Variants in IL18BP observed in about 807,000 individuals in gnomAD.
IL18BP encodes the protein interleukin 18 binding protein, also known as interleukin-18-binding protein.
IL18BP carries 23 observed loss-of-function variants against 19.9 expected under a neutral mutation model. That is an observed-to-expected ratio of 1.15 (90% CI 0.83 to 1.64). The LOEUF (loss-of-function observed/expected upper bound fraction) is 1.64, where lower values mean the gene tolerates loss of function less well. Ranked by LOEUF, IL18BP falls within the 40% of genes most tolerant of loss-of-function variation. The pLI, the probability that IL18BP is intolerant of heterozygous loss-of-function variation, is 0.00. For missense variants in IL18BP, 239 were observed against 240.7 expected (o/e 0.99, Z 0.05); for synonymous variants, 107 against 101.0 (o/e 1.06, Z -0.35).
intron 1 of IL18BP, 190 bp from the exon 2 acceptor site, chr11:71,999,737 T>C: frequency 1.8e-6 from 1 of 542,828 alleles, no homozygotes; most frequent in South Asian, 2.1e-5. Flanking sequence ...TAGGTAAGCA[T>C]CTTACAACCA....
At chr11:72,005,877 A>G (rs1219792812), downstream of IL18BP, among the ~76,000 whole-genome samples, 1 of 152,196 alleles carries the variant, frequency 6.6e-6, no homozygotes, top group African/African-American at 2.4e-5. Flanking sequence ...TGGGCAGGTA[A>G]GGAAGGCCCT....
downstream of IL18BP, chr11:72,008,019 TG>T: frequency 2.3e-6 from 1 of 444,118 alleles, no homozygotes. Flanking sequence ...GCTCTACCAC[TG>T]GGGAACCTTG....
chr11:72,005,277 C>T, downstream of IL18BP: 1 of 1,609,192 alleles, frequency 6.2e-7, no homozygotes. Flanking sequence ...GGGGGGCACA[C>T]TCGATTGCGC....
At chr11:72,005,504 G>A (rs74748609), downstream of IL18BP, 5,064 of 771,378 alleles carry the variant, frequency 6.6e-3, 188 homozygotes, top group African/African-American at 0.078. Context: ...ATTCAGTGCC[G>A]CAGGTGCAGG....
At chr11:72,007,289 C>T (rs1483414781), downstream of IL18BP, 1 of 1,613,242 alleles carries the variant, frequency 6.2e-7, no homozygotes, top group African/African-American at 1.3e-5. Flanking sequence ...GTCCAGGCTG[C>T]TCTCCAGGGG....
rs1955134540 is a variant in IL18BP, at chr11:72,000,133, T to C, written c.28+121T>C. ...AACCACCCAGCGCACCTGGTGCTGT[T>C]GCTTTAAGAACCTGGGCAGATATTG... is the stretch of plus-strand genomic sequence containing the variant. On this transcript the variant is annotated intron_variant, in intron 2 of 5. Coordinates refer to ENST00000393703, the MANE Select transcript of IL18BP (RefSeq NM_001039660.2). The C allele has an allele frequency of 2.7e-6, 3 of 1,098,114 alleles. No homozygotes were observed. In the South Asian group the frequency reaches 4.1e-5, roughly 15 times the overall value. The allele number at this position is 1,098,114 out of a possible 1,614,324, so 68.0% of individuals were successfully genotyped here. A position where few individuals can be genotyped will look rare whatever the true frequency, so the allele number is the denominator to read the frequency against.
At chr11:72,005,275 C>A, downstream of IL18BP, 2 of 1,606,234 alleles carry the variant, frequency 1.2e-6, no homozygotes, top group Non-Finnish European at 1.7e-6. Context: ...GTGGGGGGCA[C>A]ACTCGATTGC....
At chr11:72,000,164 C>T in intron 2 of IL18BP, 152 bp downstream of exon 2, 1 of 942,360 alleles carries the variant, frequency 1.1e-6, no homozygotes, top group Non-Finnish European at 1.6e-6. Flanking sequence ...TATTGTAGCT[C>T]TGGCTCCAGT....
Position 72,001,822 on chromosome 11 carries a change from C to G in IL18BP, c.546C>G (p.Ala182=), listed in dbSNP as rs1955267211. ...CAACCTTGCCCCCCACCCAAGAAGC[C>G]CTGCCCTCCAGCCACAGCAGTCCAC... is the stretch of plus-strand genomic sequence containing the variant. The part of the protein sequence containing the change: ...LRATLPPTQE[A]LPSSHSSPQQ... The change falls in exon 6 of 6, where the codon GCC becomes GCG. Residue 182 remains alanine, a synonymous_variant. Transcript: ENST00000393703. The G allele has an allele frequency of 6.2e-7, 1 of 1,614,012 alleles. No individual in the cohort carries two copies. Among genetic ancestry groups the G allele is most frequent in the Non-Finnish European group, 8.5e-7 (1 of 1,179,968 alleles).
chr11:72,001,162 C>A (rs748428176), intron 3 of IL18BP, 39 bp from the exon 4 acceptor site: 4 of 1,612,830 alleles, frequency 2.5e-6, no homozygotes, highest in Non-Finnish European at 3.4e-6. Flanking sequence ...GGGGAAGGGC[C>A]TGCTCTTCTG....
downstream of IL18BP, chr11:72,003,565 G>A: frequency 1.2e-6 from 2 of 1,614,076 alleles, no homozygotes; most frequent in Non-Finnish European, 1.7e-6. Context: ...CACATGGCCA[G>A]ATGAGAACTT....
downstream of IL18BP, chr11:72,004,939 G>A: frequency 9.7e-7 from 1 of 1,027,958 alleles, no homozygotes; most frequent in Non-Finnish European, 1.4e-6. Flanking sequence ...TGCCTCACGA[G>A]GTAGAAAGAC....
chr11:71,999,329 G>A (rs1355918358), intron 1 of IL18BP: 9 of 360,530 alleles, frequency 2.5e-5, no homozygotes, highest in Admixed American at 1.1e-4. Flanking sequence ...GAGGGGAGGC[G>A]GACACCAAAG....
At chr11:72,007,380 G>A (rs749242336), downstream of IL18BP, 1 of 1,613,826 alleles carries the variant, frequency 6.2e-7, no homozygotes, top group Admixed American at 1.7e-5. Context: ...TGGGAGATAG[G>A]TGAGGCTGGT....
In IL18BP at chr11:72,001,070, G is replaced by A. The variant is rs570077950; in HGVS notation, c.236-131G>A. On this transcript the variant is annotated intron_variant, in intron 3 of 5. Transcript: ENST00000393703. The stretch of plus-strand genomic sequence containing the variant: ...TTCTGTAACGGACGTTCCCACCTAG[G>A]TGGTGTGCAGAGCAGTTCTCTAGGT... 5 of 1,067,722 alleles carry A rather than the reference G, an allele frequency of 4.7e-6. No individual in the cohort carries two copies. The Admixed American group carries it at 1.0e-4, about 22-fold the overall frequency. The allele number at this position is 1,067,722 out of a possible 1,614,324, so 66.1% of individuals were successfully genotyped here.
At chr11:72,004,060 T>C, downstream of IL18BP, 2 of 1,613,330 alleles carry the variant, frequency 1.2e-6, no homozygotes, top group Non-Finnish European at 8.5e-7. Context: ...TTCTTGGGTG[T>C]GTTGAGGATG....
downstream of IL18BP, chr11:72,004,696 G>A (rs759101534): frequency 2.6e-5 from 42 of 1,613,692 alleles, no homozygotes; most frequent in East Asian, 4.5e-4. Flanking sequence ...CGCTGCTGCC[G>A]GGTGGTGATG....
downstream of IL18BP, chr11:72,003,466 G>T: frequency 1.3e-6 from 2 of 1,532,858 alleles, no homozygotes; most frequent in Non-Finnish European, 9.0e-7. Flanking sequence ...GACAGTAGGC[G>T]GAGGACCAGG....
downstream of IL18BP, chr11:72,007,933 C>G: frequency 2.7e-6 from 1 of 370,786 alleles, no homozygotes; most frequent in Non-Finnish European, 5.3e-6. Flanking sequence ...CACCTAGACT[C>G]ATCATGGCAC....
Sources: allele counts gnomAD v4.1 joint callset (sites outside exome capture counted in the v4.1 genomes callset), GRCh38; gene constraint gnomAD v4.1.1; transcripts MANE v1.5; gene names NCBI Gene and HGNC (gene_info 2026-07-23, HGNC 2026-07-21).